ZNF79: variants seen among roughly 807,000 people sequenced by gnomAD.
ZNF79 encodes ZNFpT7.
ZNF79 carries 13 observed loss-of-function variants against 14.9 expected under a neutral mutation model. The observed-to-expected ratio is 0.87, with a 90% CI of 0.57 to 1.38. The LOEUF (loss-of-function observed/expected upper bound fraction) is 1.38, where lower values mean the gene tolerates loss of function less well. Ranked by LOEUF, ZNF79 falls within the 40% of genes most tolerant of loss-of-function variation. ZNF79 has a pLI of 0.00. For missense variants in ZNF79, 631 were observed against 630.6 expected, an observed-to-expected ratio of 1.00 and a Z score of -0.01; for synonymous variants, 223 against 235.1, an observed-to-expected ratio of 0.95 and a Z score of 0.47.
At chr9:127,441,985 C>T (rs1476243515) in intron 4 of ZNF79, among the ~76,000 whole-genome samples, 2 of 151,578 alleles carry the variant, frequency 1.3e-5, no homozygotes, top group Non-Finnish European at 2.9e-5. Flanking sequence ...GGTGTGGTGG[C>T]GCATGCCTGT....
intron 4 of ZNF79, among the ~76,000 whole-genome samples, chr9:127,436,829 G>A (rs1163624212): frequency 6.6e-6 from 1 of 152,170 alleles, no homozygotes; most frequent in Non-Finnish European, 1.5e-5. Flanking sequence ...GGCCGAGGCA[G>A]GTGGATCACC....
intron 4 of ZNF79, among the ~76,000 whole-genome samples, chr9:127,436,356 C>T (rs1467728987): frequency 6.6e-6 from 1 of 152,216 alleles, no homozygotes; most frequent in Non-Finnish European, 1.5e-5. Flanking sequence ...TCTTTGCTGG[C>T]ACATTCCCTG....
At chr9:127,441,832 C>T (rs1564237440) in intron 4 of ZNF79, among the ~76,000 whole-genome samples, 1 of 152,004 alleles carries the variant, frequency 6.6e-6, no homozygotes, top group Non-Finnish European at 1.5e-5. Flanking sequence ...GTAATCCCAG[C>T]TACTTGGGAG....
chr9:127,444,526 C>T lies in ZNF79; in HGVS notation c.826C>T (p.Pro276Ser). ...CCAGCGAACCCACACCGGAGAGAAG[C>T]CCTACAGATGCAGCGAGTGTGAGAA... Reference protein sequence around the residue: ...KHQRTHTGEKPYRCSECEKAF... With the variant: ...KHQRTHTGEKSYRCSECEKAF... The change falls in exon 5 of 5, where the codon CCC becomes TCC. Residue 276 changes from proline (P) to serine (S), a missense_variant. Physicochemically the swap from Pro to Ser is moderately conservative, Grantham distance 74. Transcript: ENST00000342483. The T allele has an allele frequency of 6.2e-7, 1 of 1,614,030 alleles. No individual in the cohort carries two copies. The highest frequency in any genetic ancestry group is 8.5e-7 in the Non-Finnish European group (1 of 1,179,898).
At chr9:127,441,036 C>T (rs1036447194) in intron 4 of ZNF79, among the ~76,000 whole-genome samples, 3 of 152,150 alleles carry the variant, frequency 2.0e-5, no homozygotes, top group Non-Finnish European at 4.4e-5. Context: ...TCATGTGGTC[C>T]TCTGAATTGC....
chr9:127,427,585 A>T (rs1833783303), intron 1 of ZNF79, among the ~76,000 whole-genome samples: 1 of 130,156 alleles, frequency 7.7e-6, no homozygotes, highest in Non-Finnish European at 1.6e-5. Flanking sequence ...TTTGTTGCCC[A>T]CGCTGGAGCG....
In ZNF79 at chr9:127,436,100, A is replaced by G. The variant is rs1456515767; in HGVS notation, c.328+97A>G. 1.3e-5 allele frequency: 13 copies of G among 1,006,720 alleles called. No individual in the cohort carries two copies. In the East Asian group the frequency reaches 3.2e-4, roughly 25 times the overall value. 62.4% of individuals were successfully genotyped at this position (1,006,720 alleles called of 1,614,324 possible). A position where few individuals can be genotyped will look rare whatever the true frequency, so the allele number is the denominator to read the frequency against. On this transcript the variant is annotated intron_variant, in intron 4 of 4. Transcript: ENST00000342483. ...TTGATTATCATAACAACTGTGAGGTAGGCGCTATTACCCCCATTCTACAGA... is the reference window on the plus strand; with the variant it reads ...TTGATTATCATAACAACTGTGAGGTGGGCGCTATTACCCCCATTCTACAGA...
At position 127,435,231 on chromosome 9, in the gene ZNF79, T is replaced by A; in HGVS notation, c.232+15T>A. ...TGTCCTACTAGGTAAGGAAACTGTT[T>A]CTTTAAGATTTAGAATCACTCAATT... On this transcript the variant is annotated intron_variant, in intron 3 of 4. Transcript: ENST00000342483. 1 of 1,576,710 alleles carries A rather than the reference T, an allele frequency of 6.3e-7. No homozygotes were observed.
At chr9:127,437,342 C>A (rs569457594) in intron 4 of ZNF79, among the ~76,000 whole-genome samples, 1 of 151,508 alleles carries the variant, frequency 6.6e-6, no homozygotes, top group African/African-American at 2.4e-5. Flanking sequence ...CTCAAGGCCC[C>A]CCCCCGCTGC....
chr9:127,427,898 C>T (rs1044699642), intron 1 of ZNF79, among the ~76,000 whole-genome samples: 1 of 152,162 alleles, frequency 6.6e-6, no homozygotes, highest in African/African-American at 2.4e-5. Context: ...TCTTTTGCTG[C>T]TTGTGCTTTT....
Position 127,424,809 on chromosome 9 carries a change from G to A in ZNF79, c.16+6G>A. The A allele has an allele frequency of 6.2e-7, 1 of 1,613,980 alleles. No homozygotes were observed. On this transcript the variant is annotated splice_donor_region_variant and intron_variant, in intron 1 of 4. Transcript: ENST00000342483. Reference sequence around the variant, plus strand: ...TCAAATGCTGGAGGAAGGAGGTGAGGAGTGGTAGAGGGAGCGATTGTCAAG... The same window carrying A: ...TCAAATGCTGGAGGAAGGAGGTGAGAAGTGGTAGAGGGAGCGATTGTCAAG...
At chr9:127,424,850 T>A in intron 1 of ZNF79, 47 bp downstream of exon 1, 1 of 1,612,384 alleles carries the variant, frequency 6.2e-7, no homozygotes, top group Non-Finnish European at 8.5e-7. Context: ...GGCTGCTGCT[T>A]CGTTTGCCCA....
chr9:127,432,200 T>G (rs944751707), intron 2 of ZNF79, among the ~76,000 whole-genome samples: 3 of 149,848 alleles, frequency 2.0e-5, no homozygotes, highest in African/African-American at 7.3e-5. Context: ...CAGGCTGGAG[T>G]GCAGTGGCGC....
At chr9:127,437,832 T>TC (rs768806657) in intron 4 of ZNF79, among the ~76,000 whole-genome samples, 1 of 152,094 alleles carries the variant, frequency 6.6e-6, no homozygotes, top group Non-Finnish European at 1.5e-5. Context: ...CAGTGTGGCC[T>TC]CATTTTAGCT....
At chr9:127,442,347 G>A (rs1564237695) in intron 4 of ZNF79, among the ~76,000 whole-genome samples, 1 of 150,714 alleles carries the variant, frequency 6.6e-6, no homozygotes, top group Non-Finnish European at 1.5e-5. Context: ...GTTGCAGTGA[G>A]CCAAGATAGC....
chr9:127,434,966 A>G lies in ZNF79; in HGVS notation c.106-124A>G, dbSNP rs1051752206. On this transcript the variant is annotated intron_variant, in intron 2 of 4. Transcript: ENST00000342483. ...CCACCGCACCTGGCCATTTTCTTCA[A>G]CTACCCAGAGACCTGAATCTTTTCA... 77 of 1,230,704 alleles carry G rather than the reference A, an allele frequency of 6.3e-5. 1 individual carries two copies. Among genetic ancestry groups the G allele is most frequent in the Admixed American group, 5.4e-5 (2 of 36,880 alleles). The allele number at this position is 1,230,704 out of a possible 1,614,324, so 76.2% of individuals were successfully genotyped here.
At chr9:127,432,090 T>C (rs1421683153) in intron 2 of ZNF79, among the ~76,000 whole-genome samples, 5 of 152,122 alleles carry the variant, frequency 3.3e-5, no homozygotes, top group African/African-American at 1.2e-4. Flanking sequence ...TTCTGTTCTT[T>C]ATTAATACAT....
chr9:127,434,958 T>C, intron 2 of ZNF79, 132 bp from the exon 3 acceptor site: 1 of 1,145,320 alleles, frequency 8.7e-7, no homozygotes, highest in South Asian at 1.7e-5. Flanking sequence ...ACCTGGCCAT[T>C]TTCTTCAACT....
At position 127,445,300 on chromosome 9, in the gene ZNF79, C is replaced by G; in HGVS notation, c.*103C>G. On this transcript the variant is annotated 3_prime_UTR_variant, in exon 5 of 5. Coordinates refer to ENST00000342483, the MANE Select transcript of ZNF79 (RefSeq NM_007135.3). ...AAGGCTTGAAAGCATCTGAAGACAT[C>G]TAACTTAGAGTCTGCAGCCCAGAGC... The G allele has an allele frequency of 7.6e-7, 1 of 1,308,776 alleles. No individual in the cohort carries two copies. Among genetic ancestry groups the G allele is most frequent in the Middle Eastern group, 1.9e-4 (1 of 5,230 alleles). The allele number at this position is 1,308,776 out of a possible 1,614,324, so 81.1% of individuals were successfully genotyped here.
Sources: gnomAD v4.1 joint callset for allele counts (sites outside exome capture counted in the v4.1 genomes callset) on GRCh38, gnomAD v4.1.1 for gene constraint, MANE v1.5 for transcripts, NCBI Gene and HGNC (gene_info 2026-07-23, HGNC 2026-07-21) for gene names.